Variants in PTPRR observed in about 807,000 individuals in gnomAD.
PTPRR encodes protein tyrosine phosphatase receptor type R.
PTPRR carries 38 observed loss-of-function variants against 77.2 expected under a neutral mutation model. The ratio of observed to expected loss-of-function variants is 0.49; its 90% confidence interval spans 0.38 to 0.65. The LOEUF (loss-of-function observed/expected upper bound fraction) is 0.65. Ranked by LOEUF, PTPRR falls within the 30% of genes least tolerant of loss-of-function variation. The pLI is 0.00. For missense variants in PTPRR, 744 were observed against 799.2 expected, an observed-to-expected ratio of 0.93 and a Z score of 0.83; for synonymous variants, 299 against 283.1, an observed-to-expected ratio of 1.06 and a Z score of -0.57.
intron 1 of PTPRR, among the ~76,000 whole-genome samples, chr12:70,900,347 T>C (rs747525187): frequency 6.6e-6 from 1 of 151,402 alleles, no homozygotes; most frequent in Non-Finnish European, 1.5e-5. Flanking sequence ...AAGCATGAAA[T>C]TGGATTCATA....
Position 70,679,439 on chromosome 12 carries a change from T to C in PTPRR, c.1497+4688A>G, listed in dbSNP as rs192911461. On this transcript the variant is annotated intron_variant, in intron 10 of 13. Coordinates refer to ENST00000283228, the MANE Select transcript of PTPRR (RefSeq NM_002849.4). Reference sequence around the variant, plus strand: ...TTGTGTGGTTTAAATCCAATGTTTGTTTATTTTCTGTCTGGATGATCTGTC... The same window carrying C: ...TTGTGTGGTTTAAATCCAATGTTTGCTTATTTTCTGTCTGGATGATCTGTC... Among the ~76,000 whole-genome samples, 560 of 152,322 alleles carry C rather than the reference T, an allele frequency of 3.7e-3. 3 individuals carry two copies. The highest frequency in any genetic ancestry group is 0.013 in the African/African-American group (550 of 41,574).
At chr12:70,875,097 C>G (rs4480636) in intron 2 of PTPRR, among the ~76,000 whole-genome samples, 102,620 of 151,948 alleles carry the variant, frequency 0.68, 35,818 homozygotes, top group African/African-American at 0.86. Flanking sequence ...GGTTGAATAA[C>G]TTATGGTATA....
chr12:70,699,851 T>G (rs1003743043), intron 7 of PTPRR, among the ~76,000 whole-genome samples: 1 of 152,186 alleles, frequency 6.6e-6, no homozygotes, highest in East Asian at 1.9e-4. Flanking sequence ...CCCTTCTTCC[T>G]TCTCACCTTC....
intron 1 of PTPRR, among the ~76,000 whole-genome samples, chr12:70,899,287 A>G (rs1836111029): frequency 6.6e-6 from 1 of 151,478 alleles, no homozygotes; most frequent in Non-Finnish European, 1.5e-5. Context: ...CTATAGACCA[A>G]TATTGCTCAT....
intron 4 of PTPRR, among the ~76,000 whole-genome samples, chr12:70,759,689 A>AAC (rs1565685490): frequency 1.3e-5 from 2 of 149,378 alleles, no homozygotes; most frequent in Admixed American, 6.7e-5. Flanking sequence ...TAAAAAAAAA[A>AAC]AAAAAAAAAA....
intron 1 of PTPRR, among the ~76,000 whole-genome samples, chr12:70,894,891 T>C (rs989503381): frequency 6.6e-6 from 1 of 151,684 alleles, no homozygotes; most frequent in Non-Finnish European, 1.5e-5. Flanking sequence ...AAAGTTATGG[T>C]CAATTTAGCA....
chr12:70,742,747 G>A (rs1890089839), intron 6 of PTPRR, among the ~76,000 whole-genome samples: 1 of 152,156 alleles, frequency 6.6e-6, no homozygotes, highest in South Asian at 2.1e-4. Flanking sequence ...GAATTAGGGA[G>A]ATCCTGAGTT....
intron 2 of PTPRR, among the ~76,000 whole-genome samples, chr12:70,796,550 T>C (rs1315530878): frequency 6.6e-6 from 1 of 152,170 alleles, no homozygotes; most frequent in Non-Finnish European, 1.5e-5. Flanking sequence ...TCTCAACAAA[T>C]GTATTAGATC....
At chr12:70,894,664 T>A (rs1228952802) in intron 1 of PTPRR, among the ~76,000 whole-genome samples, 1 of 151,756 alleles carries the variant, frequency 6.6e-6, no homozygotes, top group African/African-American at 2.4e-5. Context: ...CTAAAACATT[T>A]TGGCACCATT....
intron 6 of PTPRR, among the ~76,000 whole-genome samples, chr12:70,735,633 A>G (rs1453170641): frequency 1.3e-5 from 2 of 152,230 alleles, no homozygotes; most frequent in East Asian, 3.8e-4. Context: ...TCACCTAGAA[A>G]AAGGTAAGAC....
intron 6 of PTPRR, among the ~76,000 whole-genome samples, chr12:70,736,401 T>C (rs1439797515): frequency 6.6e-6 from 1 of 152,188 alleles, no homozygotes; most frequent in Non-Finnish European, 1.5e-5. Flanking sequence ...TTAAAATTGA[T>C]TTCCCACAGA....
At chr12:70,824,966 T>G (rs576689727) in intron 2 of PTPRR, among the ~76,000 whole-genome samples, 9 of 152,314 alleles carry the variant, frequency 5.9e-5, no homozygotes, top group Non-Finnish European at 1.3e-4. Context: ...CGTTGCTCCA[T>G]GTACAGTCAA....
chr12:70,869,533 G>T (rs1892924703), intron 2 of PTPRR, among the ~76,000 whole-genome samples: 1 of 152,166 alleles, frequency 6.6e-6, no homozygotes, highest in Non-Finnish European at 1.5e-5. Context: ...TAATTCTTGG[G>T]ACCTGTGAAT....
At chr12:70,715,299 C>T (rs891417754) in intron 6 of PTPRR, among the ~76,000 whole-genome samples, 17 of 152,108 alleles carry the variant, frequency 1.1e-4, no homozygotes, top group Non-Finnish European at 2.5e-4. Flanking sequence ...ACATCAAGTA[C>T]TTCACAAGGT....
At chr12:70,759,693 A>AC (rs1014073724) in intron 4 of PTPRR, among the ~76,000 whole-genome samples, 6 of 149,836 alleles carry the variant, frequency 4.0e-5, no homozygotes, top group Admixed American at 1.3e-4. Flanking sequence ...AAAAAAAAAA[A>AC]AAAAAAAAAA....
intron 2 of PTPRR, among the ~76,000 whole-genome samples, chr12:70,861,456 T>C (rs554026061): frequency 1.3e-5 from 2 of 152,158 alleles, no homozygotes; most frequent in Non-Finnish European, 2.9e-5. Context: ...GCCTGGCATA[T>C]GAAAAATAGG....
intron 10 of PTPRR, among the ~76,000 whole-genome samples, chr12:70,673,289 T>A (rs1406767704): frequency 2.0e-5 from 3 of 152,142 alleles, no homozygotes; most frequent in African/African-American, 7.2e-5. Flanking sequence ...GATTCAAGAA[T>A]GAGGTAAAGC....
intron 2 of PTPRR, among the ~76,000 whole-genome samples, chr12:70,834,402 T>C (rs751232355): frequency 6.6e-6 from 1 of 152,164 alleles, no homozygotes; most frequent in Non-Finnish European, 1.5e-5. Flanking sequence ...TTTCCACATT[T>C]GAGATCTCCC....
intron 1 of PTPRR, among the ~76,000 whole-genome samples, chr12:70,896,313 A>G (rs561434603): frequency 6.6e-6 from 1 of 151,824 alleles, no homozygotes; most frequent in South Asian, 2.1e-4. Context: ...CTCAATAGTA[A>G]GTAGATTGAG....
Sources: gnomAD v4.1 joint callset for allele counts (sites outside exome capture counted in the v4.1 genomes callset) on GRCh38, gnomAD v4.1.1 for gene constraint, MANE v1.5 for transcripts, NCBI Gene and HGNC (gene_info 2026-07-23, HGNC 2026-07-21) for gene names.